The following MAP1B variants were observed in gnomAD, a reference collection of about 807,000 sequenced individuals.
MAP1B encodes the protein microtubule-associated protein 1B.
Under a neutral mutation model 176.1 loss-of-function variants are expected in MAP1B, and 12 were observed. The observed-to-expected ratio is 0.07, with a 90% CI of 0.04 to 0.11. The LOEUF (loss-of-function observed/expected upper bound fraction) is 0.11, where lower values mean the gene tolerates loss of function less well. MAP1B is among the 10% of genes least tolerant of loss of function. MAP1B has a pLI of 1.00. For missense variants in MAP1B, 2,523 were observed against 2,990.5 expected, an observed-to-expected ratio of 0.84 and a Z score of 3.65; for synonymous variants, 1,044 against 1,135.0, an observed-to-expected ratio of 0.92 and a Z score of 1.61.
intron 2 of MAP1B, among the ~76,000 whole-genome samples, chr5:72,130,726 C>A (rs1232775919): frequency 6.6e-6 from 1 of 152,144 alleles, no homozygotes; most frequent in African/African-American, 2.4e-5. Flanking sequence ...AGCTTTAATC[C>A]CAGTTCTACT....
intron 5 of MAP1B, 55 bp from the exon 6 acceptor site, chr5:72,203,508 G>T (rs1484810357): frequency 4.0e-6 from 5 of 1,254,860 alleles, no homozygotes; most frequent in East Asian, 2.3e-5. Context: ...TGTGCTGGAT[G>T]TATGGTCTCT....
intron 2 of MAP1B, among the ~76,000 whole-genome samples, chr5:72,172,785 T>C (rs1209801288): frequency 1.3e-5 from 2 of 152,158 alleles, no homozygotes; most frequent in Non-Finnish European, 2.9e-5. Flanking sequence ...AGGTCACTTA[T>C]TATGTTGTTA....
In MAP1B at chr5:72,179,433, C is replaced by T. The variant is rs567233755; in HGVS notation, c.287-4310C>T. Among the ~76,000 whole-genome samples, 7 of 152,336 alleles carry T rather than the reference C, an allele frequency of 4.6e-5. No homozygotes were observed. The South Asian group carries it at 6.2e-4, about 14-fold the overall frequency. ...CTTTTCTGAGGCAACTGAATGAGACCTTTACAAGCCAGGGTGGTGGCCTCC... is the reference window on the plus strand; with the variant it reads ...CTTTTCTGAGGCAACTGAATGAGACTTTTACAAGCCAGGGTGGTGGCCTCC... On this transcript the variant is annotated intron_variant, in intron 2 of 6. Coordinates refer to ENST00000296755, the MANE Select transcript of MAP1B (RefSeq NM_005909.5).
chr5:72,188,683 C>A (rs1218098580), intron 4 of MAP1B, among the ~76,000 whole-genome samples: 1 of 152,012 alleles, frequency 6.6e-6, no homozygotes, highest in African/African-American at 2.4e-5. Context: ...AAAATTTTAG[C>A]ACCATGGACT....
intron 2 of MAP1B, among the ~76,000 whole-genome samples, chr5:72,140,624 C>A (rs1745930393): frequency 6.6e-6 from 1 of 152,116 alleles, no homozygotes. Flanking sequence ...TTAATTGTGA[C>A]AGAAACTGGG....
At chr5:72,192,883 C>A (rs1324967313) in intron 4 of MAP1B, among the ~76,000 whole-genome samples, 8 of 152,160 alleles carry the variant, frequency 5.3e-5, no homozygotes, top group African/African-American at 4.8e-5. Flanking sequence ...TTTTATTAAA[C>A]CACAATTTCT....
intron 2 of MAP1B, among the ~76,000 whole-genome samples, chr5:72,151,462 C>G (rs1746139254): frequency 6.6e-6 from 1 of 152,130 alleles, no homozygotes; most frequent in East Asian, 1.9e-4. Flanking sequence ...GTGAAGAAAA[C>G]AGGACCAAAA....
intron 2 of MAP1B, among the ~76,000 whole-genome samples, chr5:72,168,841 C>A (rs1487392720): frequency 6.6e-6 from 1 of 152,170 alleles, no homozygotes; most frequent in African/African-American, 2.4e-5. Flanking sequence ...TGCCCATTGG[C>A]CAGATTTGGT....
intron 2 of MAP1B, among the ~76,000 whole-genome samples, chr5:72,139,031 A>G (rs1454415562): frequency 1.3e-5 from 2 of 152,182 alleles, no homozygotes; most frequent in African/African-American, 4.8e-5. Flanking sequence ...TGTATTCCTC[A>G]TGGAAATGAG....
At chr5:72,165,883 A>C (rs1444869789) in intron 2 of MAP1B, among the ~76,000 whole-genome samples, 1 of 152,212 alleles carries the variant, frequency 6.6e-6, no homozygotes, top group Non-Finnish European at 1.5e-5. Context: ...AGCAAGCTAC[A>C]AAGCCTAACT....
Position 72,115,737 on chromosome 5 carries a change from T to C in MAP1B, c.224T>C (p.Leu75Ser). Reference protein sequence around the residue: ...SWDTNLIECNLDQELKLFVSR... With the variant: ...SWDTNLIECNSDQELKLFVSR... ...GACACAAACCTGATTGAATGCAACT[T>C]GGACCAAGAACTCAAACTTTTTGTA... The change falls in exon 2 of 7, where the codon TTG becomes TCG. Residue 75 changes from leucine to serine, a missense_variant. Coordinates refer to ENST00000296755, the MANE Select transcript of MAP1B (RefSeq NM_005909.5). The C allele has an allele frequency of 6.2e-7, 1 of 1,613,976 alleles. No individual in the cohort carries two copies. The highest frequency in any genetic ancestry group is 2.2e-5 in the East Asian group (1 of 44,886).
At chr5:72,201,069 A>T (rs908996503) in intron 5 of MAP1B, among the ~76,000 whole-genome samples, 3 of 152,128 alleles carry the variant, frequency 2.0e-5, no homozygotes, top group Non-Finnish European at 4.4e-5. Context: ...TCAGATTAAA[A>T]TTCCACTGGG....
chr5:72,116,408 A>C, intron 2 of MAP1B: 1 of 412,508 alleles, frequency 2.4e-6, no homozygotes, highest in Non-Finnish European at 4.7e-6. Flanking sequence ...CTGTTAAAAT[A>C]GCCTTTTTTT....
Position 72,207,795 on chromosome 5 carries a change from T to G in MAP1B, c.*2556T>G, listed in dbSNP as rs1747484322. The G allele has an allele frequency of 6.6e-6, 1 of 152,226 alleles. No homozygotes were observed. The highest frequency in any genetic ancestry group is 1.5e-5 in the Non-Finnish European group (1 of 68,038). 9.4% of individuals were successfully genotyped at this position (152,226 alleles called of 1,614,324 possible). ...AGCCTTCTTGCCAAATCCAGACCTC[T>G]GGTTGATTTTTCTTTGACAGAAGAT... On this transcript the variant is annotated 3_prime_UTR_variant, in exon 7 of 7. Coordinates refer to ENST00000296755, the MANE Select transcript of MAP1B (RefSeq NM_005909.5).
chr5:72,156,275 A>G (rs75409247), intron 2 of MAP1B, among the ~76,000 whole-genome samples: 2,169 of 152,094 alleles, frequency 0.014, 38 homozygotes, highest in East Asian at 0.043. Flanking sequence ...CTGCTCCTCA[A>G]CCTCACTTCC....
chr5:72,163,941 T>C (rs1161832269), intron 2 of MAP1B, among the ~76,000 whole-genome samples: 1 of 136,062 alleles, frequency 7.3e-6, no homozygotes, highest in East Asian at 2.1e-4. Context: ...TTTTTTTTTT[T>C]TTTTTTTTTT....
intron 2 of MAP1B, among the ~76,000 whole-genome samples, chr5:72,156,945 C>T (rs894849925): frequency 4.6e-5 from 7 of 152,290 alleles, no homozygotes; most frequent in African/African-American, 1.2e-4. Context: ...TTGTAAGTCA[C>T]GAGTCAGAAC....
chr5:72,124,721 T>G (rs912151210), intron 2 of MAP1B, among the ~76,000 whole-genome samples: 1 of 152,210 alleles, frequency 6.6e-6, no homozygotes, highest in Non-Finnish European at 1.5e-5. Context: ...TAAAACAGGT[T>G]TTCAATGGGA....
chr5:72,130,058 T>C (rs574994857), intron 2 of MAP1B, among the ~76,000 whole-genome samples: 30 of 152,142 alleles, frequency 2.0e-4, no homozygotes, highest in African/African-American at 6.7e-4. Context: ...AGCAAATGGA[T>C]TTTCTATGCT....
Sources: allele counts gnomAD v4.1 joint callset (sites outside exome capture counted in the v4.1 genomes callset), GRCh38; gene constraint gnomAD v4.1.1; transcripts MANE v1.5; gene names NCBI Gene and HGNC (gene_info 2026-07-23, HGNC 2026-07-21).